STXBP5L: variants seen among roughly 807,000 people sequenced by gnomAD.
STXBP5L encodes the protein syntaxin binding protein 5L, also known as syntaxin-binding protein 5-like.
A neutral mutation model predicts 144.5 loss-of-function variants in STXBP5L; 65 were observed. The ratio of observed to expected loss-of-function variants is 0.45; its 90% CI spans 0.37 to 0.55. STXBP5L has a LOEUF of 0.55. Among genes scored for constraint, STXBP5L ranks in the 20% least tolerant of loss-of-function variants. The pLI is 0.00. For missense variants in STXBP5L, 1,298 were observed against 1,405.5 expected, an observed-to-expected ratio of 0.92 and a Z score of 1.22; for synonymous variants, 505 against 469.6, an observed-to-expected ratio of 1.08 and a Z score of -0.97.
chr3:120,985,472 A>G (rs916754352), intron 3 of STXBP5L, among the ~76,000 whole-genome samples: 2 of 152,118 alleles, frequency 1.3e-5, no homozygotes, highest in African/African-American at 2.4e-5. Flanking sequence ...AGTATACAGT[A>G]TACTATTATC....
At chr3:121,139,582 C>G (rs1385147765) in intron 7 of STXBP5L, among the ~76,000 whole-genome samples, 1 of 151,968 alleles carries the variant, frequency 6.6e-6, no homozygotes, top group Non-Finnish European at 1.5e-5. Flanking sequence ...TAATAAATAT[C>G]TACTTACCTG....
At chr3:121,220,406 C>A (rs923824139) in intron 10 of STXBP5L, among the ~76,000 whole-genome samples, 3 of 151,938 alleles carry the variant, frequency 2.0e-5, no homozygotes, top group Non-Finnish European at 4.4e-5. Context: ...TTAATAGAAT[C>A]TTTGTATTAA....
In STXBP5L at chr3:121,279,659, AG is replaced by A. The variant is rs1371869858; in HGVS notation, c.1959-144del. ...AGACAGTTTATCCATCATAAAGGCA[AG>A]GCATCCTTCTTGACTTTACACAAAT... On this transcript the variant is annotated intron_variant, in intron 18 of 26. Transcript: ENST00000471454. 3.7e-6 allele frequency: 3 copies of A among 808,470 alleles called. No homozygotes were observed. In the African/African-American group the frequency reaches 5.3e-5, roughly 14 times the overall value. The allele number at this position is 808,470 out of a possible 1,614,324, so 50.1% of individuals were successfully genotyped here. A position where few individuals can be genotyped will look rare whatever the true frequency, so the allele number is the denominator to read the frequency against.
intron 20 of STXBP5L, among the ~76,000 whole-genome samples, chr3:121,323,553 G>A (rs2044046888): frequency 6.6e-6 from 1 of 152,108 alleles, no homozygotes; most frequent in Admixed American, 6.6e-5. Flanking sequence ...AATGTTCTCA[G>A]TTTCCAAGAT....
intron 23 of STXBP5L, 140 bp from the exon 24 acceptor site, chr3:121,413,018 A>T: frequency 1.5e-6 from 1 of 678,418 alleles, no homozygotes; most frequent in Non-Finnish European, 2.1e-6. Context: ...ACAGAGCAAG[A>T]CTCTGTCTCA....
At chr3:121,206,550 C>G (rs2048342029) in intron 10 of STXBP5L, among the ~76,000 whole-genome samples, 2 of 152,180 alleles carry the variant, frequency 1.3e-5, no homozygotes, top group South Asian at 4.1e-4. Flanking sequence ...TGCCTCACGC[C>G]TGTAACCCCA....
Position 121,055,874 on chromosome 3 carries a change from G to A in STXBP5L, c.470+10339G>A, listed in dbSNP as rs999372983. On this transcript the variant is annotated intron_variant, in intron 5 of 26. Transcript: ENST00000471454. Reference sequence around the variant, plus strand: ...TAATGTTAATTTTTTTTTTTTTTTTGTAGAAACAGATTCTCTCCATGTTGC... The same window carrying A: ...TAATGTTAATTTTTTTTTTTTTTTTATAGAAACAGATTCTCTCCATGTTGC... Among the ~76,000 whole-genome samples the A allele has an allele frequency of 8.9e-4, 85 of 95,564 alleles. 4 individuals carry two copies. The South Asian group carries it at 0.024, about 27-fold the overall frequency. 62.7% of individuals were successfully genotyped at this position (95,564 alleles called of 152,430 possible). A position where few individuals can be genotyped will look rare whatever the true frequency, so the allele number is the denominator to read the frequency against.
intron 3 of STXBP5L, among the ~76,000 whole-genome samples, chr3:121,006,040 T>C (rs924254860): frequency 5.3e-5 from 8 of 152,044 alleles, no homozygotes; most frequent in African/African-American, 1.7e-4. Context: ...TGATTTGGGG[T>C]GGAGAGTTCT....
intron 19 of STXBP5L, among the ~76,000 whole-genome samples, chr3:121,314,055 C>A (rs1256959850): frequency 6.7e-6 from 1 of 150,296 alleles, no homozygotes; most frequent in Non-Finnish European, 1.5e-5. Flanking sequence ...GGGGAAGAGG[C>A]GCTCCTCGCT....
intron 5 of STXBP5L, among the ~76,000 whole-genome samples, chr3:121,066,581 C>A (rs1435007382): frequency 6.6e-6 from 1 of 151,940 alleles, no homozygotes; most frequent in Non-Finnish European, 1.5e-5. Context: ...GATGTATTAG[C>A]ATTATTATAT....
chr3:120,961,451 G>T (rs1938805998), intron 3 of STXBP5L, among the ~76,000 whole-genome samples: 1 of 151,938 alleles, frequency 6.6e-6, no homozygotes, highest in Non-Finnish European at 1.5e-5. Context: ...AGGCCCCAGT[G>T]TGTGATGTTC....
At chr3:121,349,608 C>T (rs1327539068) in intron 20 of STXBP5L, among the ~76,000 whole-genome samples, 2 of 151,984 alleles carry the variant, frequency 1.3e-5, no homozygotes, top group Non-Finnish European at 2.9e-5. Context: ...CTTTGTAGGT[C>T]TCTAAGGACT....
chr3:120,927,360 TG>T (rs1709692751), intron 2 of STXBP5L, among the ~76,000 whole-genome samples: 1 of 152,212 alleles, frequency 6.6e-6, no homozygotes, highest in Non-Finnish European at 1.5e-5. Flanking sequence ...GCCTCTAATT[TG>T]GTGTCTCCTT....
chr3:121,014,498 C>T (rs1480155609), intron 3 of STXBP5L, among the ~76,000 whole-genome samples: 1 of 151,954 alleles, frequency 6.6e-6, no homozygotes, highest in Non-Finnish European at 1.5e-5. Context: ...TAGTTCATGA[C>T]TTATTATTGC....
At chr3:121,038,554 A>G (rs1265428162) in intron 3 of STXBP5L, among the ~76,000 whole-genome samples, 1 of 151,942 alleles carries the variant, frequency 6.6e-6, no homozygotes, top group African/African-American at 2.4e-5. Flanking sequence ...TTATATTTCA[A>G]AAGTATATTT....
In STXBP5L at chr3:121,424,351, G is replaced by A. The variant is rs1383762875; in HGVS notation, c.*5254G>A. 2 of 152,148 alleles carry A rather than the reference G, an allele frequency of 1.3e-5. No homozygotes were observed. The highest frequency in any genetic ancestry group is 4.8e-5 in the African/African-American group (2 of 41,444). 9.4% of individuals were successfully genotyped at this position (152,148 alleles called of 1,614,324 possible). A position where few individuals can be genotyped will look rare whatever the true frequency, so the allele number is the denominator to read the frequency against. On this transcript the variant is annotated 3_prime_UTR_variant, in exon 27 of 27. Coordinates refer to ENST00000471454, the MANE Select transcript of STXBP5L (RefSeq NM_001308330.2). ...CTATATGACATCCAGTGCCCTGAAA[G>A]GGTGCTTACACCTTCAAAAAAGGAG...
chr3:121,031,303 A>G (rs566690199), intron 3 of STXBP5L, among the ~76,000 whole-genome samples: 8 of 152,066 alleles, frequency 5.3e-5, no homozygotes, highest in Non-Finnish European at 1.0e-4. Context: ...ATGTACATGT[A>G]TGTGCATACA....
At chr3:121,048,449 G>T (rs936531946) in intron 5 of STXBP5L, among the ~76,000 whole-genome samples, 2 of 152,114 alleles carry the variant, frequency 1.3e-5, no homozygotes, top group Non-Finnish European at 2.9e-5. Context: ...TTTCCAAGTT[G>T]CTTGCTCTCT....
chr3:120,934,811 T>A (rs1333636565), intron 2 of STXBP5L, among the ~76,000 whole-genome samples: 1 of 152,094 alleles, frequency 6.6e-6, no homozygotes, highest in Non-Finnish European at 1.5e-5. Flanking sequence ...TTACTATAGC[T>A]ACACCTGTTT....
Sources: allele counts gnomAD v4.1 joint callset (sites outside exome capture counted in the v4.1 genomes callset), GRCh38; gene constraint gnomAD v4.1.1; transcripts MANE v1.5; gene names NCBI Gene and HGNC (gene_info 2026-07-23, HGNC 2026-07-21).